Variants in STRADA observed in about 807,000 individuals in gnomAD.
The protein encoded by STRADA is STE20-related kinase adapter protein alpha.
In STRADA, 26 loss-of-function variants were observed where a neutral mutation model predicts 55.0. The ratio of observed to expected loss-of-function variants is 0.47; its 90% CI spans 0.35 to 0.66. The LOEUF (loss-of-function observed/expected upper bound fraction) is 0.66, where lower values mean the gene tolerates loss of function less well. Among genes scored for constraint, STRADA ranks in the 30% least tolerant of loss-of-function variants. The probability of loss-of-function intolerance (pLI) is 0.01; values close to 1 mark genes in which losing one functional copy is unlikely to be tolerated. For synonymous variants in STRADA, 197 were observed against 210.9 expected (o/e 0.93, Z 0.57); for missense variants, 443 against 549.7 (o/e 0.81, Z 1.94).
chr17:63,707,145 C>T (rs1052373957), intron 9 of STRADA, 102 bp downstream of exon 9: 15 of 1,467,286 alleles, frequency 1.0e-5, no homozygotes, highest in Non-Finnish European at 1.3e-5. Flanking sequence ...AACCCCTTTA[C>T]CCCACTGGGA....
In STRADA at chr17:63,740,086, C is replaced by CTATATATATATATATATA. The variant is rs771962134; in HGVS notation, c.-45+1637_-45+1654dup. The stretch of plus-strand genomic sequence containing the variant: ...CCCAGCCTATCAGAAACATTTAACA[C>CTATATATATATATATATA]TATATATATATATATATATATACAT... On this transcript the variant is annotated intron_variant, in intron 1 of 12. Coordinates refer to ENST00000336174, the MANE Select transcript of STRADA (RefSeq NM_001003787.4). Among the ~76,000 whole-genome samples, 82 of 41,508 alleles carry CTATATATATATATATATA rather than the reference C, an allele frequency of 2.0e-3. 6 individuals carry two copies. The highest frequency in any genetic ancestry group is 0.014 in the African/African-American group (71 of 4,988). The allele number at this position is 41,508 out of a possible 152,430, so 27.2% of individuals were successfully genotyped here.
At chr17:63,707,773 C>T (rs2036207176) in intron 8 of STRADA, among the ~76,000 whole-genome samples, 1 of 151,440 alleles carries the variant, frequency 6.6e-6, no homozygotes, top group African/African-American at 2.4e-5. Flanking sequence ...CTCTGTCGCA[C>T]AGACTGGAGT....
At chr17:63,734,644 A>G (rs927473320) in intron 1 of STRADA, among the ~76,000 whole-genome samples, 5 of 152,244 alleles carry the variant, frequency 3.3e-5, no homozygotes, top group African/African-American at 1.2e-4. Context: ...CTCAAAAAAA[A>G]AGAAAAAAGA....
intron 3 of STRADA, 160 bp downstream of exon 3, chr17:63,726,478 T>A (rs1436553378): frequency 3.1e-6 from 2 of 649,348 alleles, no homozygotes; most frequent in African/African-American, 3.8e-5. Context: ...AGTCTTCAAA[T>A]CTTTGGGAAA....
chr17:63,722,674 C>T (rs576587581), intron 4 of STRADA, among the ~76,000 whole-genome samples: 1 of 152,304 alleles, frequency 6.6e-6, no homozygotes, highest in African/African-American at 2.4e-5. Context: ...TTCTTATCCT[C>T]TCTCCTTATA....
In STRADA at chr17:63,703,473, C is replaced by CT. The variant is rs1380189629; in HGVS notation, c.*125dup. On this transcript the variant is annotated 3_prime_UTR_variant, in exon 13 of 13. Coordinates refer to ENST00000336174, the MANE Select transcript of STRADA (RefSeq NM_001003787.4). ...TCTTTCCCAATCAGTCAGCAGTCAA[C>CT]TTTCCTGGAAGAATGTCCTTTCTAC... 5 of 945,660 alleles carry CT rather than the reference C, an allele frequency of 5.3e-6. No homozygotes were observed. The highest frequency in any genetic ancestry group is 7.8e-6 in the Non-Finnish European group (5 of 640,840). 58.6% of individuals were successfully genotyped at this position (945,660 alleles called of 1,614,324 possible). A position where few individuals can be genotyped will look rare whatever the true frequency, so the allele number is the denominator to read the frequency against.
chr17:63,739,704 A>G (rs58056285), intron 1 of STRADA, among the ~76,000 whole-genome samples: 2,213 of 148,244 alleles, frequency 0.015, 59 homozygotes, highest in African/African-American at 0.051. Flanking sequence ...ATTAATATGT[A>G]TACATATATA....
chr17:63,721,797 A>G lies in STRADA; in HGVS notation c.123+1501T>C, dbSNP rs138709669. 2.6e-3 allele frequency among the ~76,000 whole-genome samples: 398 copies of G among 152,298 alleles called. 2 individuals carry two copies. Among genetic ancestry groups the G allele is most frequent in the African/African-American group, 9.2e-3 (384 of 41,564 alleles). On this transcript the variant is annotated intron_variant, in intron 4 of 12. Coordinates refer to ENST00000336174, the MANE Select transcript of STRADA (RefSeq NM_001003787.4). Reference sequence around the variant, plus strand: ...TCACAGGCAATCTGGAATTGCATAAAATGAACTAGTCCAGTGATAGCAACT... The same window carrying G: ...TCACAGGCAATCTGGAATTGCATAAGATGAACTAGTCCAGTGATAGCAACT...
upstream of STRADA, chr17:63,741,950 C>T (rs1474207004): frequency 2.6e-5 from 4 of 152,412 alleles, no homozygotes; most frequent in Admixed American, 1.3e-4. Flanking sequence ...GCGGCAGGCC[C>T]TAGCAGCCGC....
chr17:63,705,297 C>A, intron 10 of STRADA: 1 of 280,888 alleles, frequency 3.6e-6, no homozygotes, highest in Non-Finnish European at 6.9e-6. Flanking sequence ...CTTCTAAATG[C>A]TCGACAGCCA....
chr17:63,740,174 ACACACACAC>A (rs2144391419), intron 1 of STRADA, among the ~76,000 whole-genome samples: 1 of 146,496 alleles, frequency 6.8e-6, no homozygotes, highest in South Asian at 2.2e-4. Context: ...ACACACACAC[ACACACACAC>A]AACAAAGCAA....
intron 1 of STRADA, among the ~76,000 whole-genome samples, chr17:63,733,386 T>C: frequency 1.3e-5 from 2 of 152,178 alleles, no homozygotes; most frequent in Admixed American, 1.3e-4. Context: ...AAAAATTGTA[T>C]TCAGTTCTCT....
Position 63,714,085 on chromosome 17 carries a change from T to G in STRADA, c.147A>C (p.Ser49=). The change falls in exon 5 of 13, where the codon TCA becomes TCC. Residue 49 remains serine (S), a synonymous_variant. Transcript: ENST00000336174. ...RRKTNDASSE[S]IASFSKQEVM... is the part of the protein sequence containing the mutation. Reference sequence around the variant, plus strand: ...CCTCCTGTTTAGAGAAGGATGCTATTGACTCTGAGCTCGCATCATTGGTCT... The same window carrying G: ...CCTCCTGTTTAGAGAAGGATGCTATGGACTCTGAGCTCGCATCATTGGTCT... The G allele has an allele frequency of 1.2e-6, 2 of 1,613,884 alleles. No individual in the cohort carries two copies. Among genetic ancestry groups the G allele is most frequent in the Non-Finnish European group, 1.7e-6 (2 of 1,179,858 alleles).
At chr17:63,723,709 A>C (rs1428756063) in intron 3 of STRADA, 1 of 166,408 alleles carries the variant, frequency 6.0e-6, no homozygotes, top group African/African-American at 2.4e-5. Flanking sequence ...AGTTACAGAG[A>C]TGGTTGGCCA....
At chr17:63,704,899 A>C in intron 10 of STRADA, 1 of 1,536,114 alleles carries the variant, frequency 6.5e-7, no homozygotes. Context: ...TTTACCGTAG[A>C]GTCTTCACCC....
At chr17:63,740,279 G>A (rs993885924) in intron 1 of STRADA, among the ~76,000 whole-genome samples, 8 of 151,308 alleles carry the variant, frequency 5.3e-5, no homozygotes, top group Admixed American at 4.0e-4. Context: ...GGGAGGTCGA[G>A]GCTGGTGGAT....
At chr17:63,726,604 C>T in intron 3 of STRADA, 34 bp downstream of exon 3, 1 of 1,604,264 alleles carries the variant, frequency 6.2e-7, no homozygotes, top group Non-Finnish European at 8.5e-7. Flanking sequence ...TTTTTATATC[C>T]TGAAGTGATG....
intron 2 of STRADA, chr17:63,728,007 C>T: frequency 5.1e-6 from 1 of 195,396 alleles, no homozygotes; most frequent in Non-Finnish European, 9.9e-6. Context: ...CTCACAACCT[C>T]ACGGGGGGTC....
At position 63,713,552 on chromosome 17, in the gene STRADA, C is replaced by T. The variant is rs757623470; in HGVS notation, c.227-25G>A. 1.1e-4 allele frequency: 174 copies of T among 1,607,986 alleles called. No individual in the cohort carries two copies. The highest frequency in any genetic ancestry group is 1.2e-4 in the Non-Finnish European group (147 of 1,178,582). On this transcript the variant is annotated intron_variant, in intron 5 of 12. Coordinates refer to ENST00000336174, the MANE Select transcript of STRADA (RefSeq NM_001003787.4). The stretch of plus-strand genomic sequence containing the variant: ...CCTAAAAGAAAAAGGGAATGCCATA[C>T]GCAAGGACAAGAACAACAAAAGGTT...
Sources: gnomAD v4.1 joint callset for allele counts (sites outside exome capture counted in the v4.1 genomes callset) on GRCh38, gnomAD v4.1.1 for gene constraint, MANE v1.5 for transcripts, NCBI Gene and HGNC (gene_info 2026-07-23, HGNC 2026-07-21) for gene names.